The following SYT17 variants were observed in gnomAD, a reference collection of about 807,000 sequenced individuals.
SYT17 encodes the protein synaptotagmin 17, also known as synaptotagmin-17.
SYT17 carries 22 observed loss-of-function variants against 46.7 expected under a neutral mutation model. The observed-to-expected ratio is 0.47, with a 90% CI of 0.34 to 0.67. The LOEUF (loss-of-function observed/expected upper bound fraction) is 0.67, where lower values mean the gene tolerates loss of function less well. Ranked by LOEUF, SYT17 falls within the 30% of genes least tolerant of loss-of-function variation. The probability of loss-of-function intolerance (pLI) is 0.01; values close to 1 mark genes in which losing one functional copy is unlikely to be tolerated. For missense variants in SYT17, 519 were observed against 612.8 expected, an observed-to-expected ratio of 0.85 and a Z score of 1.62; for synonymous variants, 251 against 248.4, an observed-to-expected ratio of 1.01 and a Z score of -0.10.
chr16:19,252,432 TATATACATATATATACAC>T lies in SYT17; in HGVS notation c.1229-14442_1229-14425del, dbSNP rs1968184823. On this transcript the variant is annotated intron_variant, in intron 7 of 7. Coordinates refer to ENST00000355377, the MANE Select transcript of SYT17 (RefSeq NM_016524.4). ...ATATATATACATATATATATACATA[TATATACATATATATACAC>T]ATATATACATATATATATACATATA... is the stretch of plus-strand genomic sequence containing the variant. Among the ~76,000 whole-genome samples, 2 of 29,938 alleles carry T rather than the reference TATATACATATATATACAC, an allele frequency of 6.7e-5. 1 individual carries two copies. Among genetic ancestry groups the T allele is most frequent in the Admixed American group, 9.4e-4 (2 of 2,118 alleles). The allele number at this position is 29,938 out of a possible 152,430, so 19.6% of individuals were successfully genotyped here. A position where few individuals can be genotyped will look rare whatever the true frequency, so the allele number is the denominator to read the frequency against.
upstream of SYT17, chr16:19,167,967 C>T (rs1963934371): frequency 6.6e-6 from 1 of 152,498 alleles, no homozygotes; most frequent in African/African-American, 2.4e-5. Context: ...CCCATCCACG[C>T]AGCCTCTGCA....
In SYT17 at chr16:19,268,291, G is replaced by A. The variant is rs2143006018; in HGVS notation, c.*1215G>A. Reference sequence around the variant, plus strand: ...CACAGCATAATGTCTGGTGTGATGGGGAGCTATTTATTGAAATTAAAGATT... The same window carrying A: ...CACAGCATAATGTCTGGTGTGATGGAGAGCTATTTATTGAAATTAAAGATT... On this transcript the variant is annotated 3_prime_UTR_variant, in exon 8 of 8. Transcript: ENST00000355377. The A allele has an allele frequency of 6.6e-6, 1 of 152,172 alleles. No homozygotes were observed. The highest frequency in any genetic ancestry group is 1.9e-4 in the East Asian group (1 of 5,186). 9.4% of individuals were successfully genotyped at this position (152,172 alleles called of 1,614,324 possible). A position where few individuals can be genotyped will look rare whatever the true frequency, so the allele number is the denominator to read the frequency against.
chr16:19,180,091 C>T, intron 3 of SYT17: 1 of 304,228 alleles, frequency 3.3e-6, no homozygotes, highest in Non-Finnish European at 6.3e-6. Context: ...AAGTGGCGCC[C>T]CCACGTGGCG....
At chr16:19,175,632 C>T (rs1964283514) in intron 3 of SYT17, among the ~76,000 whole-genome samples, 1 of 109,242 alleles carries the variant, frequency 9.2e-6, no homozygotes. Flanking sequence ...GCTTGCGCAA[C>T]AGAGCAAGAC....
At chr16:19,263,640 CAAAAAA>C (rs1157288423) in intron 7 of SYT17, among the ~76,000 whole-genome samples, 1 of 39,240 alleles carries the variant, frequency 2.5e-5, no homozygotes, top group Non-Finnish European at 5.8e-5. Flanking sequence ...AATTACAACT[CAAAAAA>C]AAAAAAAAAA....
At chr16:19,228,846 G>A (rs933816999) in intron 7 of SYT17, among the ~76,000 whole-genome samples, 7 of 152,192 alleles carry the variant, frequency 4.6e-5, no homozygotes, top group African/African-American at 1.7e-4. Flanking sequence ...CAGCCTATTA[G>A]CATGTTTCCA....
In SYT17 at chr16:19,245,503, A is replaced by G. The variant is rs529974091; in HGVS notation, c.1228+20665A>G. On this transcript the variant is annotated intron_variant, in intron 7 of 7. Transcript: ENST00000355377. ...GGCAGGTTTGCCTGGGCTCAGAGCC[A>G]GTCAGCACCTGTTCTGCACCTGTTT... 1.2e-3 allele frequency among the ~76,000 whole-genome samples: 177 copies of G among 152,252 alleles called. 2 individuals carry two copies. Among genetic ancestry groups the G allele is most frequent in the African/African-American group, 4.0e-3 (166 of 41,538 alleles).
chr16:19,191,825 G>A (rs577834797), intron 5 of SYT17, among the ~76,000 whole-genome samples: 134 of 152,018 alleles, frequency 8.8e-4, no homozygotes, highest in Non-Finnish European at 1.5e-3. Flanking sequence ...TCACTTTGTC[G>A]CCAGACTGGA....
intron 5 of SYT17, among the ~76,000 whole-genome samples, chr16:19,221,075 G>A (rs1966298436): frequency 6.6e-6 from 1 of 151,276 alleles, no homozygotes; most frequent in Non-Finnish European, 1.5e-5. Flanking sequence ...CGTAATCCCA[G>A]CTATTCAGGA....
intron 7 of SYT17, among the ~76,000 whole-genome samples, chr16:19,263,079 T>A (rs1969102626): frequency 6.6e-6 from 1 of 151,886 alleles, no homozygotes; most frequent in African/African-American, 2.4e-5. Flanking sequence ...TTTGTTTAAT[T>A]GAGATAAAAT....
intron 5 of SYT17, among the ~76,000 whole-genome samples, chr16:19,191,898 C>A (rs1010134543): frequency 6.6e-6 from 1 of 152,036 alleles, no homozygotes; most frequent in East Asian, 1.9e-4. Flanking sequence ...GATTCTCCTG[C>A]CCCAGCCTCT....
At chr16:19,221,153 T>C (rs952401677) in intron 5 of SYT17, among the ~76,000 whole-genome samples, 4 of 149,020 alleles carry the variant, frequency 2.7e-5, no homozygotes, top group Non-Finnish European at 5.9e-5. Context: ...CATGCCATTG[T>C]TCCAGACTGA....
At chr16:19,229,216 C>T (rs1276803821) in intron 7 of SYT17, among the ~76,000 whole-genome samples, 3 of 152,096 alleles carry the variant, frequency 2.0e-5, no homozygotes, top group Non-Finnish European at 2.9e-5. Flanking sequence ...AGTCCGTTCT[C>T]GCATTGTTAC....
At chr16:19,231,666 C>T (rs1966695593) in intron 7 of SYT17, among the ~76,000 whole-genome samples, 1 of 151,656 alleles carries the variant, frequency 6.6e-6, no homozygotes, top group Non-Finnish European at 1.5e-5. Context: ...TTGCTGGCCG[C>T]CTGTTATGGC....
At chr16:19,171,922 AGT>A (rs1195382091) in intron 1 of SYT17, 1 of 152,268 alleles carries the variant, frequency 6.6e-6, no homozygotes, top group Non-Finnish European at 1.5e-5. Flanking sequence ...GTTAACATGT[AGT>A]GGTACCAAAT....
intron 7 of SYT17, among the ~76,000 whole-genome samples, chr16:19,251,714 C>T (rs970836059): frequency 2.0e-5 from 3 of 152,122 alleles, no homozygotes; most frequent in Admixed American, 6.5e-5. Context: ...CCAGATGTTT[C>T]GCCTAAGCTC....
At chr16:19,212,281 C>T (rs115320162) in intron 5 of SYT17, among the ~76,000 whole-genome samples, 3,737 of 152,236 alleles carry the variant, frequency 0.025, 143 homozygotes, top group African/African-American at 0.085. Context: ...TGTTGTTGAC[C>T]AGGCTAAGCA....
intron 5 of SYT17, among the ~76,000 whole-genome samples, chr16:19,201,297 TG>T (rs967721769): frequency 6.6e-6 from 1 of 152,084 alleles, no homozygotes; most frequent in Non-Finnish European, 1.5e-5. Flanking sequence ...GCTTCCTTCA[TG>T]GGGGACAGGG....
intron 1 of SYT17, chr16:19,169,785 G>C (rs1964012458): frequency 6.6e-6 from 1 of 152,256 alleles, no homozygotes; most frequent in Non-Finnish European, 1.5e-5. Context: ...TTGTCCAGGG[G>C]CTATTGAGTA....
Sources: allele counts gnomAD v4.1 joint callset (sites outside exome capture counted in the v4.1 genomes callset), GRCh38; gene constraint gnomAD v4.1.1; transcripts MANE v1.5; gene names NCBI Gene and HGNC (gene_info 2026-07-23, HGNC 2026-07-21).